NUMB: variants seen among roughly 807,000 people sequenced by gnomAD.
The protein encoded by NUMB is protein numb homolog.
NUMB carries 29 observed loss-of-function variants against 59.7 expected under a neutral mutation model. The observed-to-expected ratio is 0.49, with a 90% CI of 0.36 to 0.66. NUMB has a LOEUF of 0.66. NUMB is among the 30% of genes least tolerant of loss of function. The pLI is 0.00. For synonymous variants in NUMB, 288 were observed against 288.2 expected (o/e 1.00, Z 0.01); for missense variants, 723 against 822.0 (o/e 0.88, Z 1.47).
chr14:73,280,495 T>A (rs1230308411), intron 11 of NUMB, among the ~76,000 whole-genome samples: 1 of 151,928 alleles, frequency 6.6e-6, no homozygotes, highest in Non-Finnish European at 1.5e-5. Flanking sequence ...TACCTACTAT[T>A]CTTTCCTCAT....
At chr14:73,382,272 G>A (rs1305876252) in intron 2 of NUMB, among the ~76,000 whole-genome samples, 1 of 152,026 alleles carries the variant, frequency 6.6e-6, no homozygotes, top group Non-Finnish European at 1.5e-5. Flanking sequence ...TCAGCCTCCT[G>A]AGCAGCTGGG....
At chr14:73,328,561 T>C (rs969237043) in intron 4 of NUMB, among the ~76,000 whole-genome samples, 1 of 152,230 alleles carries the variant, frequency 6.6e-6, no homozygotes, top group Non-Finnish European at 1.5e-5. Flanking sequence ...TGAGTTCCAG[T>C]TGCTCAGCAA....
chr14:73,322,824 A>C (rs973912034), intron 5 of NUMB: 1 of 158,078 alleles, frequency 6.3e-6, no homozygotes, highest in African/African-American at 2.4e-5. Context: ...GATGCTTTTA[A>C]ATTTTTTAAT....
At chr14:73,287,886 C>T (rs765411308) in intron 8 of NUMB, among the ~76,000 whole-genome samples, 1 of 152,132 alleles carries the variant, frequency 6.6e-6, no homozygotes, top group Non-Finnish European at 1.5e-5. Flanking sequence ...ATCACTTAGG[C>T]TCTGTCATGT....
chr14:73,436,881 A>C (rs1376554792), intron 1 of NUMB, among the ~76,000 whole-genome samples: 1 of 149,956 alleles, frequency 6.7e-6, no homozygotes, highest in African/African-American at 2.4e-5. Context: ...CGGGAGGCTG[A>C]GGCAGGAGAA....
intron 1 of NUMB, among the ~76,000 whole-genome samples, chr14:73,426,724 G>A (rs1212236285): frequency 6.6e-6 from 1 of 152,008 alleles, no homozygotes; most frequent in Non-Finnish European, 1.5e-5. Flanking sequence ...GCGGGCACCT[G>A]TAGTCCCAGC....
chr14:73,434,452 T>C (rs1023738843), intron 1 of NUMB, among the ~76,000 whole-genome samples: 1 of 152,218 alleles, frequency 6.6e-6, no homozygotes, highest in Admixed American at 6.5e-5. Context: ...ATCATTATTA[T>C]CCGATACTTT....
rs1893748000 is a variant in NUMB, at chr14:73,355,731, A to G, written c.21T>C (p.Ser7=). 1 of 1,612,904 alleles carries G rather than the reference A, an allele frequency of 6.2e-7. No homozygotes were observed. Among genetic ancestry groups the G allele is most frequent in the Admixed American group, 1.7e-5 (1 of 59,976 alleles). Residue 7 remains serine (S), a synonymous_variant, in exon 4 of 13, where the codon AGT becomes AGC. Coordinates refer to ENST00000555238, the MANE Select transcript of NUMB (RefSeq NM_001005743.2). ...CATAAACATCCTTCTTTCTCCTAAA[A>G]CTTTGCCGTAATTTGTTCATTTTAA... MNKLRQ[S]FRRKKDVYVP...
chr14:73,407,916 T>G (rs1333597466), intron 2 of NUMB, among the ~76,000 whole-genome samples: 1 of 152,210 alleles, frequency 6.6e-6, no homozygotes, highest in African/African-American at 2.4e-5. Flanking sequence ...TCTGTAACTT[T>G]GCAGTTTTCT....
chr14:73,417,007 A>G (rs923862268), intron 1 of NUMB, among the ~76,000 whole-genome samples: 1 of 151,700 alleles, frequency 6.6e-6, no homozygotes, highest in African/African-American at 2.4e-5. Flanking sequence ...AGGAGAAGAG[A>G]AGGAGCATCT....
At chr14:73,393,024 A>G (rs547519064) in intron 2 of NUMB, among the ~76,000 whole-genome samples, 68 of 152,280 alleles carry the variant, frequency 4.5e-4, no homozygotes, top group Admixed American at 2.3e-3. Flanking sequence ...AGAACCCAAA[A>G]AGGTTAACAG....
chr14:73,389,880 C>T (rs1324768427), intron 2 of NUMB, among the ~76,000 whole-genome samples: 1 of 152,092 alleles, frequency 6.6e-6, no homozygotes, highest in Non-Finnish European at 1.5e-5. Context: ...ATGTGCACCA[C>T]CTTATCCTAT....
At chr14:73,309,903 T>C (rs1890680139) in intron 6 of NUMB, among the ~76,000 whole-genome samples, 1 of 152,006 alleles carries the variant, frequency 6.6e-6, no homozygotes, top group South Asian at 2.1e-4. Flanking sequence ...CTCTCAGGAA[T>C]TAGGTTAAAA....
chr14:73,282,587 T>C, intron 10 of NUMB, 82 bp from the exon 11 acceptor site: 1 of 1,418,410 alleles, frequency 7.1e-7, no homozygotes. Flanking sequence ...GCTGGCACTT[T>C]ATACTGTATC....
intron 1 of NUMB, among the ~76,000 whole-genome samples, chr14:73,451,691 G>C (rs982501572): frequency 6.6e-6 from 1 of 152,156 alleles, no homozygotes; most frequent in Non-Finnish European, 1.5e-5. Flanking sequence ...CAAGTGACTA[G>C]ACGAAAGTAT....
At chr14:73,299,424 A>G (rs371411398) in intron 6 of NUMB, 3 of 152,082 alleles carry the variant, frequency 2.0e-5, no homozygotes, top group Non-Finnish European at 4.4e-5. Context: ...TTTCCTGGAG[A>G]AGAAACCCTG....
chr14:73,425,617 T>C (rs900455293), intron 1 of NUMB, among the ~76,000 whole-genome samples: 3 of 152,126 alleles, frequency 2.0e-5, no homozygotes, highest in Non-Finnish European at 4.4e-5. Flanking sequence ...GGTTACTATA[T>C]AACTGTCTAA....
intron 1 of NUMB, among the ~76,000 whole-genome samples, chr14:73,429,064 C>T (rs1897708922): frequency 6.6e-6 from 1 of 152,300 alleles, no homozygotes; most frequent in East Asian, 1.9e-4. Context: ...TCCCTCGCAA[C>T]CACTGGTCAA....
chr14:73,376,154 TGAAA>T (rs1894934452), intron 2 of NUMB, among the ~76,000 whole-genome samples: 2 of 152,156 alleles, frequency 1.3e-5, no homozygotes, highest in African/African-American at 4.8e-5. Flanking sequence ...GTAGAAAACC[TGAAA>T]GAATCAATGA....
Sources: allele counts gnomAD v4.1 joint callset (sites outside exome capture counted in the v4.1 genomes callset), GRCh38; gene constraint gnomAD v4.1.1; transcripts MANE v1.5; gene names NCBI Gene and HGNC (gene_info 2026-07-23, HGNC 2026-07-21).